Variants in ATP8B1 observed in about 807,000 individuals in gnomAD.
The protein encoded by ATP8B1 is ATPase phospholipid transporting 8B1, also known as phospholipid-transporting ATPase IC.
ATP8B1 carries 80 observed loss-of-function variants against 149.9 expected under a neutral mutation model. The observed-to-expected ratio is 0.53, with a 90% CI of 0.45 to 0.64. ATP8B1 has a LOEUF of 0.64. Among genes scored for constraint, ATP8B1 ranks in the 30% least tolerant of loss-of-function variants. The pLI is 0.00. For synonymous variants in ATP8B1, 536 were observed against 562.8 expected, an observed-to-expected ratio of 0.95 and a Z score of 0.67; for missense variants, 1,247 against 1,552.6, an observed-to-expected ratio of 0.80 and a Z score of 3.31.
chr18:57,687,253 C>T (rs538345809), intron 13 of ATP8B1, among the ~76,000 whole-genome samples: 4 of 152,324 alleles, frequency 2.6e-5, no homozygotes, highest in Admixed American at 6.5e-5. Context: ...ATTCCCCTGA[C>T]TCCAGCCCCT....
At chr18:57,670,344 T>C (rs941162751) in intron 17 of ATP8B1, among the ~76,000 whole-genome samples, 1 of 146,772 alleles carries the variant, frequency 6.8e-6, no homozygotes, top group Non-Finnish European at 1.5e-5. Flanking sequence ...TTTTTTTTTC[T>C]TTTTCTTTTT....
intron 1 of ATP8B1, among the ~76,000 whole-genome samples, chr18:57,769,591 C>T (rs2080248125): frequency 6.6e-6 from 1 of 152,166 alleles, no homozygotes; most frequent in Non-Finnish European, 1.5e-5. Context: ...TGAAAACACA[C>T]ACACTTCACT....
At chr18:57,676,167 T>C (rs1911572723) in intron 15 of ATP8B1, among the ~76,000 whole-genome samples, 1 of 152,170 alleles carries the variant, frequency 6.6e-6, no homozygotes, top group South Asian at 2.1e-4. Flanking sequence ...TCTTTCTTTC[T>C]TTTTTGTTTT....
chr18:57,701,170 G>C (rs759603305), intron 5 of ATP8B1, 45 bp downstream of exon 5: 2 of 1,611,606 alleles, frequency 1.2e-6, no homozygotes, highest in East Asian at 4.5e-5. Flanking sequence ...AGAACTTAAA[G>C]TCAACTCAAA....
chr18:57,708,252 T>C (rs186988687), intron 2 of ATP8B1, among the ~76,000 whole-genome samples: 2 of 152,150 alleles, frequency 1.3e-5, no homozygotes, highest in South Asian at 2.1e-4. Context: ...AATATCACTA[T>C]TGAACATTTT....
chr18:57,774,492 T>G (rs73446920), intron 1 of ATP8B1, among the ~76,000 whole-genome samples: 44,496 of 152,154 alleles, frequency 0.29, 8,421 homozygotes, highest in East Asian at 0.9. Context: ...AGCTACATGG[T>G]AGGCTGGGGC....
chr18:57,756,303 A>ATATATATG lies in ATP8B1; in HGVS notation c.-25-24472_-25-24471insCATATATA, dbSNP rs2080081566. ...AACATATATATGTGTGTGTGTATGT[A>ATATATATG]TATATATATATATTTGAGACTGAGT... On this transcript the variant is annotated intron_variant, in intron 1 of 27. Transcript: ENST00000648908. Among the ~76,000 whole-genome samples the ATATATATG allele has an allele frequency of 4.4e-5, 5 of 113,450 alleles. 1 individual carries two copies. In the South Asian group the frequency reaches 1.6e-3, roughly 36 times the overall value. The allele number at this position is 113,450 out of a possible 152,430, so 74.4% of individuals were successfully genotyped here. A position where few individuals can be genotyped will look rare whatever the true frequency, so the allele number is the denominator to read the frequency against.
At chr18:57,715,326 A>C (rs1042265010) in intron 2 of ATP8B1, among the ~76,000 whole-genome samples, 3 of 152,178 alleles carry the variant, frequency 2.0e-5, no homozygotes, top group African/African-American at 4.8e-5. Flanking sequence ...CAGAGGAGAC[A>C]GAAGAAAAAA....
chr18:57,650,777 C>T (rs948577337), intron 26 of ATP8B1, among the ~76,000 whole-genome samples: 5 of 152,032 alleles, frequency 3.3e-5, no homozygotes, highest in Non-Finnish European at 5.9e-5. Context: ...GCGGAAGTTG[C>T]AGTGAGCCGA....
chr18:57,725,130 T>C (rs1389572123), intron 2 of ATP8B1, among the ~76,000 whole-genome samples: 18 of 113,278 alleles, frequency 1.6e-4, no homozygotes, highest in East Asian at 8.8e-4. Flanking sequence ...AGGGATAGCA[T>C]TGGGAGATAT....
At chr18:57,725,965 C>T (rs981602638) in intron 2 of ATP8B1, among the ~76,000 whole-genome samples, 1 of 152,214 alleles carries the variant, frequency 6.6e-6, no homozygotes, top group South Asian at 2.1e-4. Context: ...CATGGTGGCT[C>T]ACGCCTGTAA....
At chr18:57,677,038 G>C (rs1911641039) in intron 15 of ATP8B1, among the ~76,000 whole-genome samples, 1 of 152,032 alleles carries the variant, frequency 6.6e-6, no homozygotes, top group African/African-American at 2.4e-5. Context: ...AAACCAATAA[G>C]AAGAGGAATA....
At chr18:57,697,479 G>C in intron 8 of ATP8B1, 139 bp downstream of exon 8, 1 of 889,210 alleles carries the variant, frequency 1.1e-6, no homozygotes, top group Non-Finnish European at 1.9e-6. Flanking sequence ...AGGCGCAAAG[G>C]TGAGATCAGT....
At chr18:57,781,598 A>G (rs2080357766) in intron 1 of ATP8B1, among the ~76,000 whole-genome samples, 1 of 152,196 alleles carries the variant, frequency 6.6e-6, no homozygotes, top group African/African-American at 2.4e-5. Context: ...TTGAATGCCT[A>G]CTAGGTTGTG....
chr18:57,695,576 A>G, intron 8 of ATP8B1, 44 bp from the exon 9 acceptor site: 1 of 1,483,176 alleles, frequency 6.7e-7, no homozygotes. Context: ...CAAATTTTTG[A>G]GTTCAAAGTG....
chr18:57,674,889 G>C lies in ATP8B1; in HGVS notation c.1764C>G (p.Tyr588Ter). 1 of 1,614,256 alleles carries C rather than the reference G, an allele frequency of 6.2e-7. No homozygotes were observed. The highest frequency in any genetic ancestry group is 8.5e-7 in the Non-Finnish European group (1 of 1,180,044). Residue 588 changes from tyrosine (Y) to a stop codon, truncating the protein, a stop_gained, in exon 16 of 28, where the codon TAC (tyrosine) becomes TAG (stop). Coordinates refer to ENST00000648908, the MANE Select transcript of ATP8B1 (RefSeq NM_001374385.1). LOFTEE classifies it high-confidence loss of function. Reference protein sequence around the residue: ...TISELGTERTYNVLAILDFNS... With the variant: ...TISELGTERT Reference sequence around the variant, plus strand: ...TGAAGTCCAAAATGGCAAGAACATTGTAAGTCCTTTCAGTGCCCAGTTCAC... The same window carrying C: ...TGAAGTCCAAAATGGCAAGAACATTCTAAGTCCTTTCAGTGCCCAGTTCAC...
chr18:57,782,498 A>G (rs1341504348), intron 1 of ATP8B1, among the ~76,000 whole-genome samples: 1 of 152,206 alleles, frequency 6.6e-6, no homozygotes, highest in Non-Finnish European at 1.5e-5. Flanking sequence ...TTGACTACGC[A>G]TGAGAGAATC....
intron 16 of ATP8B1, among the ~76,000 whole-genome samples, chr18:57,674,520 G>C (rs1165756485): frequency 2.0e-5 from 3 of 151,480 alleles, no homozygotes; most frequent in Non-Finnish European, 4.4e-5. Context: ...GAGTGGCTGG[G>C]ACTACAGGTG....
chr18:57,740,079 G>C (rs199536865), intron 1 of ATP8B1, among the ~76,000 whole-genome samples: 3 of 152,012 alleles, frequency 2.0e-5, no homozygotes, highest in Non-Finnish European at 2.9e-5. Flanking sequence ...TGGTAGTTTT[G>C]TTTTTTGTTT....
Sources: gnomAD v4.1 joint callset for allele counts (sites outside exome capture counted in the v4.1 genomes callset) on GRCh38, gnomAD v4.1.1 for gene constraint, MANE v1.5 for transcripts, NCBI Gene and HGNC (gene_info 2026-07-23, HGNC 2026-07-21) for gene names.